CSMD1: variants seen among roughly 807,000 people sequenced by gnomAD.
CSMD1 encodes CUB and Sushi multiple domains 1, also known as CUB and sushi domain-containing protein 1.
In CSMD1, 213 loss-of-function variants were observed where a neutral mutation model predicts 417.5. That is an observed-to-expected ratio of 0.51 (90% confidence interval 0.46 to 0.57). The LOEUF (loss-of-function observed/expected upper bound fraction) is 0.57. CSMD1 is among the 20% of genes least tolerant of loss of function. CSMD1 has a pLI of 0.00. For synonymous variants in CSMD1, 2,862 were observed against 1,736.8 expected (o/e 1.65, Z -16.11); for missense variants, 6,923 against 4,529.7 (o/e 1.53, Z -15.17).
At chr8:3,957,745 A>C (rs952762619) in intron 5 of CSMD1, among the ~76,000 whole-genome samples, 10 of 152,054 alleles carry the variant, frequency 6.6e-5, no homozygotes, top group African/African-American at 2.4e-4. Flanking sequence ...TGTAGAAAAG[A>C]AAAAAGAAAA....
At chr8:3,368,787 A>G (rs1024092920) in intron 19 of CSMD1, among the ~76,000 whole-genome samples, 4 of 152,262 alleles carry the variant, frequency 2.6e-5, no homozygotes, top group South Asian at 2.1e-4. Context: ...GAGGATAGAA[A>G]TATCTATTCT....
chr8:4,275,816 A>C (rs1796453071), intron 3 of CSMD1, among the ~76,000 whole-genome samples: 1 of 152,356 alleles, frequency 6.6e-6, no homozygotes, highest in Non-Finnish European at 1.5e-5. Context: ...AATGATCTAT[A>C]CTAATGAAAG....
At chr8:3,934,580 C>T (rs550513049) in intron 5 of CSMD1, among the ~76,000 whole-genome samples, 152 of 152,178 alleles carry the variant, frequency 1.0e-3, no homozygotes, top group African/African-American at 3.5e-3. Flanking sequence ...TTTGGCCAGG[C>T]GCGGTGGCTG....
At chr8:4,355,877 C>G (rs1205884738) in intron 3 of CSMD1, among the ~76,000 whole-genome samples, 1 of 152,160 alleles carries the variant, frequency 6.6e-6, no homozygotes, top group Non-Finnish European at 1.5e-5. Flanking sequence ...CCAGGCCTTG[C>G]CATTTAAACA....
intron 2 of CSMD1, among the ~76,000 whole-genome samples, chr8:4,449,589 T>C (rs557185860): frequency 5.3e-5 from 8 of 152,290 alleles, no homozygotes; most frequent in South Asian, 2.1e-4. Flanking sequence ...ATTCCCATAA[T>C]AGAGATAATC....
intron 18 of CSMD1, among the ~76,000 whole-genome samples, chr8:3,370,190 AGAG>A (rs1809859461): frequency 6.6e-6 from 1 of 152,232 alleles, no homozygotes; most frequent in Non-Finnish European, 1.5e-5. Flanking sequence ...ACAGACATCA[AGAG>A]GAGAATATTG....
intron 7 of CSMD1, among the ~76,000 whole-genome samples, chr8:3,705,632 A>C (rs1173818044): frequency 6.6e-6 from 1 of 152,240 alleles, no homozygotes; most frequent in Non-Finnish European, 1.5e-5. Context: ...AACAAGAGCT[A>C]ACAGTGCCTG....
intron 12 of CSMD1, among the ~76,000 whole-genome samples, chr8:3,449,419 C>A (rs1815542736): frequency 6.6e-6 from 1 of 152,106 alleles, no homozygotes; most frequent in African/African-American, 2.4e-5. Context: ...CCCAGGCTCC[C>A]ACCATGCCTA....
rs1343615042 is a variant in CSMD1, at chr8:4,864,455, C to T, written c.85+129877G>A. The stretch of plus-strand genomic sequence containing the variant: ...CAAATTTGCCTTTAATTATCTACTT[C>T]AATAGACAAAAATCATTGCTCAGAA... On this transcript the variant is annotated intron_variant, in intron 1 of 69. Transcript: ENST00000635120. 3.3e-5 allele frequency among the ~76,000 whole-genome samples: 5 copies of T among 151,842 alleles called. No individual in the cohort carries two copies. In the East Asian group the frequency reaches 9.6e-4, roughly 29 times the overall value.
intron 5 of CSMD1, among the ~76,000 whole-genome samples, chr8:3,994,849 T>A (rs1467549094): frequency 6.6e-6 from 1 of 152,188 alleles, no homozygotes; most frequent in African/African-American, 2.4e-5. Flanking sequence ...TTCCTAACAA[T>A]TTTCCAAGTA....
chr8:4,187,433 G>T (rs1033886813), intron 3 of CSMD1, among the ~76,000 whole-genome samples: 1 of 152,022 alleles, frequency 6.6e-6, no homozygotes, highest in Admixed American at 6.6e-5. Context: ...GATCACCTGA[G>T]GTCAGGAAGA....
rs1026329479 is a variant in CSMD1 at position 3,141,786 on chromosome 8, G to A, written c.6241+679C>T. 2.9e-5 allele frequency among the ~76,000 whole-genome samples: 4 copies of A among 137,154 alleles called. No homozygotes were observed. The East Asian group carries it at 6.6e-4, about 23-fold the overall frequency. 90.0% of individuals were successfully genotyped at this position (137,154 alleles called of 152,430 possible). On this transcript the variant is annotated intron_variant, in intron 41 of 69. Coordinates refer to ENST00000635120, the MANE Select transcript of CSMD1 (RefSeq NM_033225.6). Reference sequence around the variant, plus strand: ...AGCACTACCGGCTTCCCAAGCCCCTGCCCGCCAAATTATCTTTTTTTTTTT... The same window carrying A: ...AGCACTACCGGCTTCCCAAGCCCCTACCCGCCAAATTATCTTTTTTTTTTT...
At chr8:3,416,704 A>G (rs1266117776) in intron 12 of CSMD1, among the ~76,000 whole-genome samples, 1 of 152,108 alleles carries the variant, frequency 6.6e-6, no homozygotes, top group Non-Finnish European at 1.5e-5. Flanking sequence ...TCTCATGTTG[A>G]TGGCATGTCA....
intron 18 of CSMD1, among the ~76,000 whole-genome samples, chr8:3,377,154 A>T (rs1810359500): frequency 6.6e-6 from 1 of 152,242 alleles, no homozygotes; most frequent in Non-Finnish European, 1.5e-5. Flanking sequence ...GACTATAGGC[A>T]CATGCCAATA....
intron 21 of CSMD1, among the ~76,000 whole-genome samples, chr8:3,356,179 T>C (rs1808776568): frequency 6.6e-6 from 1 of 152,216 alleles, no homozygotes; most frequent in Non-Finnish European, 1.5e-5. Flanking sequence ...TTGGTATGGA[T>C]TTGCCTCTTT....
At chr8:3,556,708 A>G (rs1268168203) in intron 10 of CSMD1, among the ~76,000 whole-genome samples, 1 of 151,994 alleles carries the variant, frequency 6.6e-6, no homozygotes, top group Non-Finnish European at 1.5e-5. Context: ...AATGAAAAGT[A>G]TGACTTAACA....
chr8:2,983,608 T>C (rs1805609661), intron 54 of CSMD1, among the ~76,000 whole-genome samples: 1 of 152,232 alleles, frequency 6.6e-6, no homozygotes, highest in Admixed American at 6.5e-5. Context: ...GGACTTTCAC[T>C]TGTATATCCA....
At chr8:4,743,846 C>A (rs1810780385) in intron 1 of CSMD1, among the ~76,000 whole-genome samples, 1 of 152,170 alleles carries the variant, frequency 6.6e-6, no homozygotes. Flanking sequence ...TTCTTGCGGT[C>A]CACTTTTCTC....
intron 10 of CSMD1, among the ~76,000 whole-genome samples, chr8:3,556,326 T>C (rs1407679812): frequency 1.3e-5 from 2 of 149,588 alleles, no homozygotes; most frequent in Non-Finnish European, 3.0e-5. Context: ...CCTTCTACTA[T>C]GTCCATGAGT....
Sources: allele counts gnomAD v4.1 joint callset (sites outside exome capture counted in the v4.1 genomes callset), GRCh38; gene constraint gnomAD v4.1.1; transcripts MANE v1.5; gene names NCBI Gene and HGNC (gene_info 2026-07-23, HGNC 2026-07-21).